The following INPP4B variants were observed in gnomAD, a reference collection of about 807,000 sequenced individuals.
INPP4B encodes inositol polyphosphate 4-phosphatase type II.
Under a neutral mutation model 122.5 loss-of-function variants are expected in INPP4B, and 55 were observed. That is an observed-to-expected ratio of 0.45 (90% confidence interval 0.36 to 0.56). The LOEUF (loss-of-function observed/expected upper bound fraction) is 0.56. Ranked by LOEUF, INPP4B falls within the 20% of genes least tolerant of loss-of-function variation. The pLI is 0.00. For synonymous variants in INPP4B, 403 were observed against 388.7 expected (o/e 1.04, Z -0.43); for missense variants, 1,000 against 1,097.7 (o/e 0.91, Z 1.26).
chr4:142,420,623 C>A (rs1055104409), intron 5 of INPP4B, among the ~76,000 whole-genome samples: 1 of 152,024 alleles, frequency 6.6e-6, no homozygotes, highest in African/African-American at 2.4e-5. Context: ...TTCTCTTTCC[C>A]ATTCCTGTAC....
intron 2 of INPP4B, among the ~76,000 whole-genome samples, chr4:142,513,318 T>TAC (rs994041857): frequency 1.1e-4 from 16 of 152,202 alleles, no homozygotes; most frequent in African/African-American, 3.6e-4. Flanking sequence ...AGCTGGGAAG[T>TAC]ACATAATCAA....
chr4:142,696,024 G>A (rs924199675), intron 2 of INPP4B, among the ~76,000 whole-genome samples: 1 of 152,252 alleles, frequency 6.6e-6, no homozygotes. Flanking sequence ...CTGGGACTAG[G>A]AGAATTAGAC....
intron 7 of INPP4B, among the ~76,000 whole-genome samples, chr4:142,376,846 T>A (rs1464606763): frequency 1.3e-5 from 2 of 152,188 alleles, no homozygotes; most frequent in East Asian, 3.9e-4. Context: ...ATCCACATGG[T>A]AATACGACAA....
At chr4:142,074,710 G>A (rs1207424776) in intron 25 of INPP4B, among the ~76,000 whole-genome samples, 2 of 152,126 alleles carry the variant, frequency 1.3e-5, no homozygotes, top group East Asian at 3.9e-4. Context: ...TTTAAAAGAA[G>A]ATAACTAGAT....
At chr4:142,194,525 T>C (rs1411597583) in intron 14 of INPP4B, among the ~76,000 whole-genome samples, 3 of 152,194 alleles carry the variant, frequency 2.0e-5, no homozygotes, top group African/African-American at 7.2e-5. Context: ...ACCAACATTA[T>C]GTTCTAGTCT....
At chr4:142,335,946 G>A (rs922528726) in intron 7 of INPP4B, among the ~76,000 whole-genome samples, 3 of 152,124 alleles carry the variant, frequency 2.0e-5, no homozygotes, top group Admixed American at 2.0e-4. Context: ...TACAGTCCAC[G>A]ACCTAGTGAG....
At chr4:142,224,256 G>A (rs1004154402) in intron 12 of INPP4B, among the ~76,000 whole-genome samples, 1 of 152,122 alleles carries the variant, frequency 6.6e-6, no homozygotes, top group African/African-American at 2.4e-5. Context: ...TAAATGGAGA[G>A]TCTGGGTCAC....
chr4:142,475,291 C>A (rs981005579), intron 2 of INPP4B, among the ~76,000 whole-genome samples: 22 of 115,838 alleles, frequency 1.9e-4, no homozygotes, highest in Admixed American at 5.1e-4. Context: ...AAACAAAAAA[C>A]CCCCAAAAAA....
intron 14 of INPP4B, among the ~76,000 whole-genome samples, chr4:142,206,652 C>CTA (rs980376226): frequency 1.3e-5 from 2 of 151,972 alleles, no homozygotes; most frequent in Admixed American, 6.6e-5. Context: ...ATATAAAAAG[C>CTA]TATATATATG....
chr4:142,202,717 A>G (rs1393136695), intron 14 of INPP4B: 3 of 982,370 alleles, frequency 3.1e-6, no homozygotes, highest in Non-Finnish European at 3.6e-6. Flanking sequence ...TAAAACATAT[A>G]TTAGTTAAGC....
chr4:142,174,607 T>A (rs1460607957), intron 15 of INPP4B, among the ~76,000 whole-genome samples: 1 of 145,080 alleles, frequency 6.9e-6, no homozygotes, highest in Non-Finnish European at 1.5e-5. Context: ...CTAAAATTGA[T>A]TATTAACTAA....
chr4:142,350,582 A>C (rs1781644436), intron 7 of INPP4B, among the ~76,000 whole-genome samples: 2 of 151,988 alleles, frequency 1.3e-5, no homozygotes, highest in Admixed American at 1.3e-4. Flanking sequence ...TTCATAAACC[A>C]TTGAGCCTCA....
intron 1 of INPP4B, among the ~76,000 whole-genome samples, chr4:142,762,524 C>T (rs78467996): frequency 0.025 from 3,754 of 152,206 alleles, 60 homozygotes; most frequent in Middle Eastern, 0.095. Flanking sequence ...CATTGCTGAG[C>T]AGTAAAGCAA....
At chr4:142,454,950 T>G (rs1258062946) in intron 3 of INPP4B, among the ~76,000 whole-genome samples, 2 of 152,054 alleles carry the variant, frequency 1.3e-5, no homozygotes, top group Admixed American at 1.3e-4. Flanking sequence ...GAGTTAAAAT[T>G]TGGAGAAGTT....
At chr4:142,156,788 C>G (rs1817465615) in intron 17 of INPP4B, among the ~76,000 whole-genome samples, 1 of 152,022 alleles carries the variant, frequency 6.6e-6, no homozygotes, top group Non-Finnish European at 1.5e-5. Context: ...TCTTTTTTGA[C>G]TTCAAAAGAA....
chr4:142,282,032 G>C (rs1751441615), intron 9 of INPP4B, among the ~76,000 whole-genome samples: 1 of 152,008 alleles, frequency 6.6e-6, no homozygotes, highest in African/African-American at 2.4e-5. Context: ...TGCCCGCATG[G>C]AACTTATATT....
At chr4:142,377,671 A>T (rs1792478750) in intron 7 of INPP4B, among the ~76,000 whole-genome samples, 2 of 152,152 alleles carry the variant, frequency 1.3e-5, no homozygotes, top group South Asian at 4.1e-4. Context: ...ATGAGCATTC[A>T]TATGCAGTAA....
chr4:142,638,325 A>G (rs879709934), intron 2 of INPP4B, among the ~76,000 whole-genome samples: 2 of 152,078 alleles, frequency 1.3e-5, no homozygotes, highest in Non-Finnish European at 2.9e-5. Context: ...ATAGTTTGGC[A>G]TTTTACATTT....
intron 2 of INPP4B, among the ~76,000 whole-genome samples, chr4:142,668,012 T>G (rs1285372475): frequency 6.6e-6 from 1 of 152,156 alleles, no homozygotes; most frequent in Non-Finnish European, 1.5e-5. Flanking sequence ...AATTGAAGAA[T>G]GAATATTTTC....
Sources: gnomAD v4.1 joint callset for allele counts (sites outside exome capture counted in the v4.1 genomes callset) on GRCh38, gnomAD v4.1.1 for gene constraint, MANE v1.5 for transcripts, NCBI Gene and HGNC (gene_info 2026-07-23, HGNC 2026-07-21) for gene names.